The following SLCO2B1 variants were observed in gnomAD, a reference collection of about 807,000 sequenced individuals.
SLCO2B1 encodes solute carrier organic anion transporter family member 2B1, also known as OATP-RP2.
Under a neutral mutation model 67.3 loss-of-function variants are expected in SLCO2B1, and 41 were observed. The observed-to-expected ratio is 0.61, with a 90% CI of 0.47 to 0.79. The LOEUF (loss-of-function observed/expected upper bound fraction) is 0.79. Ranked by LOEUF, SLCO2B1 falls within the 30% of genes least tolerant of loss-of-function variation. SLCO2B1 has a pLI of 0.00. For synonymous variants in SLCO2B1, 379 were observed against 381.4 expected (o/e 0.99, Z 0.07); for missense variants, 837 against 920.1 (o/e 0.91, Z 1.17).
At chr11:75,154,741 C>T (rs992980863) in intron 1 of SLCO2B1, among the ~76,000 whole-genome samples, 1 of 152,226 alleles carries the variant, frequency 6.6e-6, no homozygotes, top group Non-Finnish European at 1.5e-5. Context: ...CTGCAGGAAG[C>T]CTGCCCTGAC....
intron 10 of SLCO2B1, among the ~76,000 whole-genome samples, chr11:75,198,056 C>T (rs1197111069): frequency 6.6e-6 from 1 of 152,216 alleles, no homozygotes; most frequent in Admixed American, 6.5e-5. Context: ...TGGGCATCAG[C>T]ATCTAAACCT....
intron 1 of SLCO2B1, among the ~76,000 whole-genome samples, chr11:75,155,960 C>T (rs1418653563): frequency 2.0e-5 from 3 of 152,150 alleles, no homozygotes; most frequent in Non-Finnish European, 4.4e-5. Context: ...TAGCCTTGAC[C>T]TCCTTGGGAC....
intron 9 of SLCO2B1, among the ~76,000 whole-genome samples, chr11:75,194,594 T>A (rs1157627638): frequency 1.4e-5 from 2 of 147,562 alleles, no homozygotes; most frequent in Non-Finnish European, 3.0e-5. Context: ...TTTTCCCACA[T>A]AGGGAGGCAA....
intron 1 of SLCO2B1, among the ~76,000 whole-genome samples, chr11:75,158,945 C>A (rs1949779192): frequency 6.6e-6 from 1 of 152,174 alleles, no homozygotes; most frequent in African/African-American, 2.4e-5. Flanking sequence ...AAACCTTGCT[C>A]CTCATCACCC....
At position 75,164,051 on chromosome 11, in the gene SLCO2B1, G is replaced by A. The variant is rs761537748; in HGVS notation, c.236G>A (p.Arg79His). ...AGCTCCATCTCCACAGTGGAGAAGC[G>A]CTTCGGCCTCTCCAGCCAGACGTCG... is the stretch of plus-strand genomic sequence containing the variant. ...LKSSISTVEK[R>H]FGLSSQTSGL... The change falls in exon 3 of 14, where the codon CGC becomes CAC. Residue 79 changes from arginine to histidine, a missense_variant. Arg to His is a conservative substitution (Grantham distance 29). Transcript: ENST00000289575. 1.4e-5 allele frequency: 22 copies of A among 1,607,476 alleles called. No homozygotes were observed. The highest frequency in any genetic ancestry group is 1.8e-5 in the Non-Finnish European group (21 of 1,177,224).
chr11:75,204,932 T>C lies in SLCO2B1; in HGVS notation c.*352T>C, dbSNP rs1945247749. ...TGAGCCATAGTGGGCCAGGCTGCCCTCCATGCTGGGCCCCAGCCCAGGTCT... is the reference window on the plus strand; with the variant it reads ...TGAGCCATAGTGGGCCAGGCTGCCCCCCATGCTGGGCCCCAGCCCAGGTCT... On this transcript the variant is annotated 3_prime_UTR_variant, in exon 14 of 14. Coordinates refer to ENST00000289575, the MANE Select transcript of SLCO2B1 (RefSeq NM_007256.5). 5.9e-6 allele frequency: 1 copy of C among 169,836 alleles called. No homozygotes were observed. Among genetic ancestry groups the C allele is most frequent in the Non-Finnish European group, 1.3e-5 (1 of 79,984 alleles). 10.5% of individuals were successfully genotyped at this position (169,836 alleles called of 1,614,324 possible).
intron 1 of SLCO2B1, among the ~76,000 whole-genome samples, chr11:75,155,238 T>A (rs1174976657): frequency 6.6e-6 from 1 of 152,036 alleles, no homozygotes; most frequent in Non-Finnish European, 1.5e-5. Flanking sequence ...GGGAGGAATT[T>A]CCCAAATATG....
chr11:75,176,827 C>A (rs1950031172), intron 7 of SLCO2B1, among the ~76,000 whole-genome samples: 1 of 152,162 alleles, frequency 6.6e-6, no homozygotes, highest in South Asian at 2.1e-4. Flanking sequence ...CCTCCTAGTG[C>A]CCAGGGCCTC....
At chr11:75,189,338 T>C (rs1944983968) in intron 8 of SLCO2B1, among the ~76,000 whole-genome samples, 1 of 152,216 alleles carries the variant, frequency 6.6e-6, no homozygotes, top group Admixed American at 6.5e-5. Context: ...TTTCCTTTTC[T>C]AAATTGAGTT....
At chr11:75,169,569 G>A (rs1338002153) in intron 5 of SLCO2B1, 97 bp from the exon 6 acceptor site, 6 of 1,243,228 alleles carry the variant, frequency 4.8e-6, no homozygotes, top group Non-Finnish European at 6.8e-6. Context: ...CCTGACCAGG[G>A]GAGACAGAGT....
chr11:75,204,878 C>A lies in SLCO2B1; in HGVS notation c.*298C>A. On this transcript the variant is annotated 3_prime_UTR_variant, in exon 14 of 14. Coordinates refer to ENST00000289575, the MANE Select transcript of SLCO2B1 (RefSeq NM_007256.5). Reference sequence around the variant, plus strand: ...GCTTTCCTGGGTGGAAAGAAGTATACCTTTCCCTGGGGCCCTAGGATAGCA... The same window carrying A: ...GCTTTCCTGGGTGGAAAGAAGTATAACTTTCCCTGGGGCCCTAGGATAGCA... The A allele has an allele frequency of 4.4e-6, 1 of 225,458 alleles. No homozygotes were observed. Among genetic ancestry groups the A allele is most frequent in the Non-Finnish European group, 8.6e-6 (1 of 116,052 alleles). The allele number at this position is 225,458 out of a possible 1,614,324, so 14.0% of individuals were successfully genotyped here.
chr11:75,197,084 C>T (rs556539152), intron 10 of SLCO2B1, among the ~76,000 whole-genome samples: 29 of 152,238 alleles, frequency 1.9e-4, no homozygotes, highest in Admixed American at 1.8e-3. Context: ...CCATTACACT[C>T]CAGTCTGGGC....
chr11:75,202,648 C>A, intron 11 of SLCO2B1: 1 of 519,712 alleles, frequency 1.9e-6, no homozygotes. Flanking sequence ...TGTCTGTGAC[C>A]AGAAACATAC....
chr11:75,177,376 T>G (rs11236366), intron 7 of SLCO2B1, among the ~76,000 whole-genome samples: 38,310 of 152,104 alleles, frequency 0.25, 8,737 homozygotes, highest in African/African-American at 0.6. Context: ...TAGCTGATCA[T>G]GCCCAAGAGG....
chr11:75,176,111 C>T (rs1355280478), intron 7 of SLCO2B1, among the ~76,000 whole-genome samples: 2 of 152,214 alleles, frequency 1.3e-5, no homozygotes, highest in African/African-American at 4.8e-5. Flanking sequence ...CAAGGTCCTG[C>T]TAGGCCCATG....
chr11:75,181,847 A>T lies in SLCO2B1; in HGVS notation c.973-6289A>T, dbSNP rs565473585. On this transcript the variant is annotated intron_variant, in intron 7 of 13. Coordinates refer to ENST00000289575, the MANE Select transcript of SLCO2B1 (RefSeq NM_007256.5). ...ACACTGCAATCCCTGCACTGAGCAG[A>T]GGCACGTTTCCTGTTTCTGGAGCCC... Among the ~76,000 whole-genome samples, 10 of 152,344 alleles carry T rather than the reference A, an allele frequency of 6.6e-5. No homozygotes were observed. The South Asian group carries it at 2.1e-3, about 32-fold the overall frequency.
In SLCO2B1 at chr11:75,165,653, G is replaced by C. The variant is rs1174914450; in HGVS notation, c.286-134G>C. ...CGGCCCTTCCGAGGGGGACCCAGGA[G>C]AGGGACCCAGATGATTTTTATTCAG... On this transcript the variant is annotated intron_variant, in intron 3 of 13. Transcript: ENST00000289575. 20 of 1,045,032 alleles carry C rather than the reference G, an allele frequency of 1.9e-5. No homozygotes were observed. The East Asian group carries it at 4.6e-4, about 24-fold the overall frequency. The allele number at this position is 1,045,032 out of a possible 1,614,324, so 64.7% of individuals were successfully genotyped here.
intron 9 of SLCO2B1, 181 bp from the exon 10 acceptor site, chr11:75,196,333 G>A (rs1008801420): frequency 1.6e-6 from 1 of 610,618 alleles, no homozygotes; most frequent in Non-Finnish European, 2.9e-6. Flanking sequence ...CTCCATACTT[G>A]CCCACCTTCA....
intron 8 of SLCO2B1, among the ~76,000 whole-genome samples, chr11:75,192,938 GGAGGCTGAGGCC>G (rs1375569543): frequency 6.6e-6 from 1 of 152,146 alleles, no homozygotes; most frequent in African/African-American, 2.4e-5. Context: ...CAGCTACTCG[GGAGGCTGAGGCC>G]GAGAATCACT....
Sources: allele counts gnomAD v4.1 joint callset (sites outside exome capture counted in the v4.1 genomes callset), GRCh38; gene constraint gnomAD v4.1.1; transcripts MANE v1.5; gene names NCBI Gene and HGNC (gene_info 2026-07-23, HGNC 2026-07-21).